Variants in DUOX2 observed in about 807,000 individuals in gnomAD.
The protein encoded by DUOX2 is NADH/NADPH thyroid oxidase p138-tox.
In DUOX2, 185 loss-of-function variants were observed where a neutral mutation model predicts 183.3. That is an observed-to-expected ratio of 1.01 (90% CI 0.90 to 1.14). The LOEUF is 1.14. Among genes scored for constraint, DUOX2 ranks in the 50% most tolerant of loss-of-function variants. The probability of loss-of-function intolerance (pLI) is 0.00; values close to 1 mark genes in which losing one functional copy is unlikely to be tolerated. For missense variants in DUOX2, 1,999 were observed against 2,022.9 expected, an observed-to-expected ratio of 0.99 and a Z score of 0.23; for synonymous variants, 788 against 812.4, an observed-to-expected ratio of 0.97 and a Z score of 0.51.
rs75048501 is a variant in DUOX2, at chr15:45,100,703, C to T, written c.3005+52G>A. On this transcript the variant is annotated intron_variant, in intron 23 of 33. Coordinates refer to ENST00000389039, the MANE Select transcript of DUOX2 (RefSeq NM_001363711.2). Reference sequence around the variant, plus strand: ...GATATGTGGGTGGGGCCTAGGGACCCTAAGACTTCTCTCCATGTCTCTTTG... The same window carrying T: ...GATATGTGGGTGGGGCCTAGGGACCTTAAGACTTCTCTCCATGTCTCTTTG... 2.5e-3 allele frequency: 3,804 copies of T among 1,524,272 alleles called. 77 individuals carry two copies. In the African/African-American group the frequency reaches 0.047, roughly 19 times the overall value. The allele number at this position is 1,524,272 out of a possible 1,614,324, so 94.4% of individuals were successfully genotyped here. A position where few individuals can be genotyped will look rare whatever the true frequency, so the allele number is the denominator to read the frequency against.
rs756136161 is a variant in DUOX2 at position 45,099,334 on chromosome 15, C to A, written c.3515+49G>T. Reference sequence around the variant, plus strand: ...CTGCCTATTTCTTTTTCTATTATACCCTTGGGCCCACCCTATGAGTCCCAG... The same window carrying A: ...CTGCCTATTTCTTTTTCTATTATACACTTGGGCCCACCCTATGAGTCCCAG... On this transcript the variant is annotated intron_variant, in intron 26 of 33. Transcript: ENST00000389039. 5.1e-6 allele frequency: 8 copies of A among 1,556,206 alleles called. No individual in the cohort carries two copies. In the South Asian group the frequency reaches 8.9e-5, roughly 17 times the overall value.
At chr15:45,100,685 G>T in intron 23 of DUOX2, 70 bp downstream of exon 23, 1 of 1,259,834 alleles carries the variant, frequency 7.9e-7, no homozygotes, top group Non-Finnish European at 1.2e-6. Flanking sequence ...AAGGATATGT[G>T]GGTGGGGCCT....
chr15:45,110,458 G>C lies in DUOX2; in HGVS notation c.1010C>G (p.Ser337Cys). ...EFVVASEQFF[S>C]TMVPPGVYMR... Reference sequence around the variant, plus strand: ...GTAGACACCAGGGGGCACCATGGTAGAGAAGAACTGCTCAGAGGCCACCAC... The same window carrying C: ...GTAGACACCAGGGGGCACCATGGTACAGAAGAACTGCTCAGAGGCCACCAC... The change falls in exon 9 of 34, where the codon TCT becomes TGT. Residue 337 changes from serine (S) to cysteine (C), a missense_variant. Physicochemically the swap from Ser to Cys is moderately radical, Grantham distance 112. Coordinates refer to ENST00000389039, the MANE Select transcript of DUOX2 (RefSeq NM_001363711.2). 6.2e-7 allele frequency: 1 copy of C among 1,614,140 alleles called. No individual in the cohort carries two copies. Among genetic ancestry groups the C allele is most frequent in the African/African-American group, 1.3e-5 (1 of 75,054 alleles).
intron 20 of DUOX2, among the ~76,000 whole-genome samples, chr15:45,102,705 G>A (rs1894112674): frequency 6.6e-6 from 1 of 152,202 alleles, no homozygotes; most frequent in South Asian, 2.1e-4. Flanking sequence ...GAATTCACCA[G>A]GTGTGGTGGC....
At position 45,095,607 on chromosome 15, in the gene DUOX2, G is replaced by C. The variant is rs569614567; in HGVS notation, c.4081-12C>G. 3.3e-5 allele frequency: 53 copies of C among 1,614,036 alleles called. No individual in the cohort carries two copies. Among genetic ancestry groups the C allele is most frequent in the Middle Eastern group, 1.6e-4 (1 of 6,084 alleles). Reference sequence around the variant, plus strand: ...CCATCAAGGTACAGCTGCCAAGAGAGGGGGGAGATGAAATGAGCCTGACCC... The same window carrying C: ...CCATCAAGGTACAGCTGCCAAGAGACGGGGGAGATGAAATGAGCCTGACCC... On this transcript the variant is annotated splice_polypyrimidine_tract_variant and intron_variant, in intron 30 of 33. Transcript: ENST00000389039.
At position 45,099,429 on chromosome 15, in the gene DUOX2, G is replaced by A. The variant is rs763092853; in HGVS notation, c.3469C>T (p.Leu1157Phe). The A allele has an allele frequency of 1.2e-5, 20 of 1,614,054 alleles. No individual in the cohort carries two copies. The highest frequency in any genetic ancestry group is 1.1e-4 in the East Asian group (5 of 44,888). ...GGGAATATGCAGGCCAGCAGGCTGA[G>A]TGGGCTGACTGAGAAGATGTAGACA... ...VNVYIFSVSP[L>F]SLLACIFPNV... Residue 1157 changes from leucine (L) to phenylalanine (F), a missense_variant, in exon 26 of 34, where the codon CTC (leucine) becomes TTC (phenylalanine). Leu to Phe is a conservative substitution (Grantham distance 22). Transcript: ENST00000389039.
rs1407494475 is a variant in DUOX2 at position 45,094,873 on chromosome 15, C to T, written c.4395+63G>A. 7 of 1,607,906 alleles carry T rather than the reference C, an allele frequency of 4.4e-6. No homozygotes were observed. The Admixed American group carries it at 5.0e-5, about 12-fold the overall frequency. ...CCGTCCACCCACCTGCCCTGGCCATCCTGCCTTACGCTGCCAATCCATCTG... is the reference window on the plus strand; with the variant it reads ...CCGTCCACCCACCTGCCCTGGCCATTCTGCCTTACGCTGCCAATCCATCTG... On this transcript the variant is annotated intron_variant, in intron 32 of 33. Coordinates refer to ENST00000389039, the MANE Select transcript of DUOX2 (RefSeq NM_001363711.2).
chr15:45,111,866 C>A lies in DUOX2; in HGVS notation c.415G>T (p.Val139Leu). Residue 139 changes from valine (V) to leucine (L), a missense_variant, in exon 5 of 34, where the codon GTG becomes TTG. By Grantham distance (32) the Val-to-Leu change is conservative. Coordinates refer to ENST00000389039, the MANE Select transcript of DUOX2 (RefSeq NM_001363711.2). Reference sequence around the variant, plus strand: ...TCCCCGCGCTGGTCGGGGTCGAACACGGGGTCTCCAGGTGGGATGCGGATG... The same window carrying A: ...TCCCCGCGCTGGTCGGGGTCGAACAAGGGGTCTCCAGGTGGGATGCGGATG... ...LNIRIPPGDP[V>L]FDPDQRGDVV... 6.2e-7 allele frequency: 1 copy of A among 1,613,780 alleles called. No homozygotes were observed. Among genetic ancestry groups the A allele is most frequent in the Non-Finnish European group, 8.5e-7 (1 of 1,179,996 alleles).
In DUOX2 at chr15:45,107,354, A is replaced by G. The variant is rs774076526; in HGVS notation, c.1684T>C (p.Trp562Arg). Reference protein sequence around the residue: ...PSALQPNVFVWHKGAPCPQPK... With the variant: ...PSALQPNVFVRHKGAPCPQPK... ...CTCCCACGGCACTCACCTTTATGCC[A>G]GACAAAGACATTGGGCTGCAGGGCA... Residue 562 changes from tryptophan (W) to arginine (R), a missense_variant, in exon 14 of 34, where the codon TGG becomes CGG. This residue lies in a region of DUOX2 where 1,628 missense variants were observed against 1,608.6 expected (regional missense o/e 1.01). Coordinates refer to ENST00000389039, the MANE Select transcript of DUOX2 (RefSeq NM_001363711.2). 2 of 1,614,258 alleles carry G rather than the reference A, an allele frequency of 1.2e-6. No homozygotes were observed. The highest frequency in any genetic ancestry group is 4.5e-5 in the East Asian group (2 of 44,884).
At chr15:45,107,244 G>T in intron 14 of DUOX2, 101 bp downstream of exon 14, 4 of 1,472,420 alleles carry the variant, frequency 2.7e-6, no homozygotes, top group Non-Finnish European at 3.8e-6. Context: ...AACACAGAAG[G>T]TGCCTGGCTC....
rs745712188 is a variant in DUOX2, at chr15:45,098,060, T to TG, written c.3516-3dup. On this transcript the variant is annotated splice_region_variant and splice_polypyrimidine_tract_variant and intron_variant, in intron 26 of 33. Transcript: ENST00000389039. ...TAGAACTTCTGGGGAAGCTTGGACC[T>TG]GGGGGGCAAAGGCACCTTGAGCCTC... The TG allele has an allele frequency of 4.3e-6, 7 of 1,614,060 alleles. No homozygotes were observed. The highest frequency in any genetic ancestry group is 1.1e-5 in the South Asian group (1 of 91,086).
Position 45,097,344 on chromosome 15 carries a change from G to A in DUOX2, c.3741C>T (p.His1247=). The change falls in exon 29 of 34, where the codon CAC becomes CAT. Residue 1247 remains histidine, a synonymous_variant. Transcript: ENST00000389039. ...SYALIQLPTF[H]IYFLVPAIIY... ...TGATTGCCGGGACCAGGAAGTAGATGTGGAAAGTGGGCAGCTGGATCAGAG... is the reference window on the plus strand; with the variant it reads ...TGATTGCCGGGACCAGGAAGTAGATATGGAAAGTGGGCAGCTGGATCAGAG... The A allele has an allele frequency of 6.2e-7, 1 of 1,614,274 alleles. No homozygotes were observed. The highest frequency in any genetic ancestry group is 8.5e-7 in the Non-Finnish European group (1 of 1,180,050).
intron 2 of DUOX2, 46 bp from the exon 3 acceptor site, chr15:45,113,122 C>T: frequency 6.3e-7 from 1 of 1,587,492 alleles, no homozygotes; most frequent in Non-Finnish European, 8.6e-7. Flanking sequence ...CTCCCAGCTA[C>T]CCCTCCCGAG....
At chr15:45,101,586 T>C (rs1894081859) in intron 21 of DUOX2, 1 of 667,868 alleles carries the variant, frequency 1.5e-6, no homozygotes, top group East Asian at 2.7e-5. Context: ...GTAGGATAGA[T>C]TTCAACCTGC....
chr15:45,105,553 C>T, intron 18 of DUOX2, 90 bp downstream of exon 18: 1 of 1,509,870 alleles, frequency 6.6e-7, no homozygotes, highest in East Asian at 2.3e-5. Flanking sequence ...AGAGCGGAAG[C>T]TTAGTTCACC....
chr15:45,109,196 G>A (rs1214073788), intron 11 of DUOX2: 1 of 615,350 alleles, frequency 1.6e-6, no homozygotes, highest in South Asian at 1.9e-5. Flanking sequence ...TCACCAAGCA[G>A]TAAATTCCCT....
chr15:45,097,186 C>T (rs2141141429), intron 29 of DUOX2, 52 bp downstream of exon 29: 1 of 1,612,760 alleles, frequency 6.2e-7, no homozygotes. Context: ...CTCCCCATGT[C>T]TGAAGATTTG....
At chr15:45,113,233 A>T (rs1262803586) in intron 2 of DUOX2, 109 bp downstream of exon 2, 24 of 1,461,748 alleles carry the variant, frequency 1.6e-5, no homozygotes, top group Non-Finnish European at 2.2e-5. Context: ...GCTGAGCTGC[A>T]CGGCGAAATG....
chr15:45,105,343 C>T (rs1894182922), intron 18 of DUOX2, among the ~76,000 whole-genome samples: 1 of 152,206 alleles, frequency 6.6e-6, no homozygotes, highest in Non-Finnish European at 1.5e-5. Context: ...GGTCCAGAGG[C>T]CAACCTCTGT....
Sources: gnomAD v4.1 joint callset for allele counts (sites outside exome capture counted in the v4.1 genomes callset) on GRCh38, gnomAD v4.1.1 for gene constraint, gnomAD v4.1.1 regional missense constraint, MANE v1.5 for transcripts, NCBI Gene and HGNC (gene_info 2026-07-23, HGNC 2026-07-21) for gene names.